The following ZNF254 variants were observed in gnomAD, a reference collection of about 807,000 sequenced individuals.
ZNF254 encodes the protein CTD-2017D11.1.
Under a neutral mutation model 12.4 loss-of-function variants are expected in ZNF254, and 10 were observed. The observed-to-expected ratio is 0.80, with a 90% CI of 0.50 to 1.36. The LOEUF is 1.36. Among genes scored for constraint, ZNF254 ranks in the 40% most tolerant of loss-of-function variants. The pLI, the probability that ZNF254 is intolerant of heterozygous loss-of-function variation, is 0.00. For synonymous variants in ZNF254, 305 were observed against 253.4 expected, an observed-to-expected ratio of 1.20 and a Z score of -1.93; for missense variants, 996 against 763.9, an observed-to-expected ratio of 1.30 and a Z score of -3.58.
intron 2 of ZNF254, among the ~76,000 whole-genome samples, chr19:24,054,097 GC>G (rs145026984): frequency 0.16 from 24,064 of 152,120 alleles, 2,082 homozygotes; most frequent in Middle Eastern, 0.23. Flanking sequence ...TGGCTCTTCT[GC>G]CCCTGTCTTG....
At chr19:24,064,224 A>C (rs1241041709) in intron 2 of ZNF254, among the ~76,000 whole-genome samples, 1 of 152,120 alleles carries the variant, frequency 6.6e-6, no homozygotes, top group African/African-American at 2.4e-5. Context: ...CACTGGGGTT[A>C]CTGGAACATA....
At position 24,037,646 on chromosome 19, in the gene ZNF254, G is replaced by T. The variant is rs535641480; in HGVS notation, c.-190+4025G>T. 3.3e-5 allele frequency among the ~76,000 whole-genome samples: 5 copies of T among 152,082 alleles called. No individual in the cohort carries two copies. The South Asian group carries it at 1.0e-3, about 32-fold the overall frequency. On this transcript the variant is annotated intron_variant, in intron 1 of 4. Transcript: ENST00000613065. ...TTTTTTGAGATGTAGTTTCGCTCTT[G>T]TCCCCCAGGCTGAAGTGCAGTGGTG...
Position 24,036,895 on chromosome 19 carries a change from CAAG to C in ZNF254, c.-190+3279_-190+3281del, listed in dbSNP as rs931189453. On this transcript the variant is annotated intron_variant, in intron 1 of 4. Transcript: ENST00000613065. ...GGGTGTGGCCAGAATCTTCACAAAA[CAAG>C]AAGACTTGATCTGAGGAATTACTCT... Among the ~76,000 whole-genome samples, 9 of 152,184 alleles carry C rather than the reference CAAG, an allele frequency of 5.9e-5. 1 individual carries two copies. Among genetic ancestry groups the C allele is most frequent in the Admixed American group, 5.9e-4 (9 of 15,284 alleles).
chr19:24,041,872 G>C (rs1970179658), intron 1 of ZNF254, among the ~76,000 whole-genome samples: 1 of 152,160 alleles, frequency 6.6e-6, no homozygotes, highest in South Asian at 2.1e-4. Flanking sequence ...GTTTGTGAGT[G>C]CACCAATCCA....
intron 1 of ZNF254, among the ~76,000 whole-genome samples, chr19:24,042,220 A>G (rs544340709): frequency 6.6e-6 from 1 of 152,126 alleles, no homozygotes; most frequent in Non-Finnish European, 1.5e-5. Context: ...GAAACTCTAT[A>G]TCTAACTAAT....
At chr19:24,108,888 G>T (rs1369914534) in intron 3 of ZNF254, among the ~76,000 whole-genome samples, 2 of 152,210 alleles carry the variant, frequency 1.3e-5, no homozygotes, top group African/African-American at 4.8e-5. Context: ...AGGCGCGGTG[G>T]CTCACGCCTC....
chr19:24,038,306 T>G (rs1325864788), intron 1 of ZNF254, among the ~76,000 whole-genome samples: 1 of 152,212 alleles, frequency 6.6e-6, no homozygotes, highest in Non-Finnish European at 1.5e-5. Flanking sequence ...TTTCCTTTAA[T>G]TATAGCCAAT....
upstream of ZNF254, among the ~76,000 whole-genome samples, chr19:24,084,788 C>T (rs1470490792): frequency 6.6e-6 from 1 of 152,006 alleles, no homozygotes; most frequent in Non-Finnish European, 1.5e-5. Context: ...CCACCATGCT[C>T]AGTTAACTTT....
At chr19:24,099,734 A>C (rs149382886) in intron 1 of ZNF254, among the ~76,000 whole-genome samples, 3 of 152,168 alleles carry the variant, frequency 2.0e-5, no homozygotes. Flanking sequence ...AAATTCTTCT[A>C]CTTGTGAACT....
rs536876101 is a variant in ZNF254 at position 24,127,396 on chromosome 19, G to C, written c.1396G>C (p.Glu466Gln). The stretch of plus-strand genomic sequence containing the variant: ...TAGAGAGAAACCCTACAAATGTGAA[G>C]AATGTGGCAAGGCATTTATATGGTC... Reference protein sequence around the residue: ...HTREKPYKCEECGKAFIWSST... With the variant: ...HTREKPYKCEQCGKAFIWSST... Residue 466 changes from glutamate (E) to glutamine (Q), a missense_variant, in exon 4 of 4, where the codon GAA (glutamate) becomes CAA (glutamine). Physicochemically the swap from Glu to Gln is conservative, Grantham distance 29. Transcript: ENST00000357002. The C allele has an allele frequency of 4.5e-5, 73 of 1,610,632 alleles. No homozygotes were observed. The South Asian group carries it at 6.6e-4, about 15-fold the overall frequency.
chr19:24,072,137 C>T (rs1441038396), intron 2 of ZNF254, among the ~76,000 whole-genome samples: 1 of 151,520 alleles, frequency 6.6e-6, no homozygotes, highest in Non-Finnish European at 1.5e-5. Flanking sequence ...GACCCAGCAT[C>T]TGGTGGTACC....
intron 2 of ZNF254, among the ~76,000 whole-genome samples, chr19:24,051,332 G>A (rs1970638018): frequency 6.6e-6 from 1 of 151,782 alleles, no homozygotes; most frequent in South Asian, 2.1e-4. Context: ...GCTAATTTTT[G>A]TATTTTTAGT....
chr19:24,048,091 C>T (rs908089749), intron 2 of ZNF254, among the ~76,000 whole-genome samples: 1 of 131,992 alleles, frequency 7.6e-6, no homozygotes, highest in Admixed American at 8.9e-5. Context: ...GCCAGAGGGA[C>T]AGCTTTGGGC....
At chr19:24,107,011 G>A (rs1973385132) in intron 3 of ZNF254, 1 of 460,048 alleles carries the variant, frequency 2.2e-6, no homozygotes, top group African/African-American at 2.0e-5. Flanking sequence ...TTTGCATCAT[G>A]TCTGAAATGT....
At chr19:24,089,938 C>T (rs910929614) in intron 1 of ZNF254, among the ~76,000 whole-genome samples, 8 of 151,664 alleles carry the variant, frequency 5.3e-5, no homozygotes, top group Admixed American at 4.6e-4. Flanking sequence ...TGCCTGTAAT[C>T]CCTACACTTT....
At chr19:24,112,236 G>A (rs1973731661) in intron 3 of ZNF254, among the ~76,000 whole-genome samples, 1 of 133,240 alleles carries the variant, frequency 7.5e-6, no homozygotes, top group Non-Finnish European at 1.6e-5. Context: ...TTTTTCTCAG[G>A]TTTGTCAAAG....
At chr19:24,062,384 G>A (rs989143717) in intron 2 of ZNF254, among the ~76,000 whole-genome samples, 1 of 152,178 alleles carries the variant, frequency 6.6e-6, no homozygotes, top group African/African-American at 2.4e-5. Context: ...ATGTGAACAT[G>A]TGGCCACACT....
At chr19:24,054,170 C>T (rs1046187399) in intron 2 of ZNF254, among the ~76,000 whole-genome samples, 5 of 152,142 alleles carry the variant, frequency 3.3e-5, no homozygotes, top group Non-Finnish European at 7.3e-5. Flanking sequence ...ACTCTGTTGC[C>T]TGTGCTGTGC....
chr19:24,116,023 C>T (rs966342058), intron 3 of ZNF254, among the ~76,000 whole-genome samples: 2 of 152,042 alleles, frequency 1.3e-5, no homozygotes, highest in African/African-American at 4.8e-5. Context: ...GAATATTGGC[C>T]CCCACTCTCT....
Sources: allele counts gnomAD v4.1 joint callset (sites outside exome capture counted in the v4.1 genomes callset), GRCh38; gene constraint gnomAD v4.1.1; transcripts MANE v1.5; gene names NCBI Gene and HGNC (gene_info 2026-07-23, HGNC 2026-07-21).